DCAF8L2: variants seen among roughly 807,000 people sequenced by gnomAD.
DCAF8L2 encodes DDB1 and CUL4 associated factor 8 like 2.
For missense variants in DCAF8L2, 430 were observed against 490.7 expected (o/e 0.88, Z 1.17); for synonymous variants, 200 against 190.9 (o/e 1.05, Z -0.39).
the DCAF8L2 span, among the ~76,000 whole-genome samples, chrX:27,498,209 A>G: frequency 1.8e-5 from 2 of 112,385 alleles, no homozygotes; most frequent in East Asian, 5.6e-4. Flanking sequence ...GAATTACTTG[A>G]TCATGTAGTA....
At chrX:27,674,241 T>G (rs2147231815) in intron 2 of DCAF8L2, among the ~76,000 whole-genome samples, 1 of 111,855 alleles carries the variant, frequency 8.9e-6, no homozygotes, top group South Asian at 3.7e-4. Flanking sequence ...ATTAAGAGAT[T>G]AAAGAAAGTG....
At chrX:27,605,205 G>T (rs185641672) in intron 1 of DCAF8L2, among the ~76,000 whole-genome samples, 1,213 of 110,970 alleles carry the variant, frequency 0.011, 6 homozygotes, top group Middle Eastern at 0.019. Flanking sequence ...AATGAGCCAA[G>T]ATTTCGTTAG....
At chrX:27,613,334 C>T (rs1408786351) in intron 1 of DCAF8L2, among the ~76,000 whole-genome samples, 4 of 111,860 alleles carry the variant, frequency 3.6e-5, no homozygotes, top group Non-Finnish European at 7.5e-5. Flanking sequence ...TGCTTATCAG[C>T]TTAAGGAGAT....
At chrX:27,505,357 A>G in the DCAF8L2 span, among the ~76,000 whole-genome samples, 1 of 111,852 alleles carries the variant, frequency 8.9e-6, no homozygotes, top group Non-Finnish European at 1.9e-5. Context: ...CAGAATTCCA[A>G]CCTGCAATTC....
the DCAF8L2 span, among the ~76,000 whole-genome samples, chrX:27,492,481 C>CTTTTTT: frequency 1.0e-5 from 1 of 96,160 alleles, no homozygotes; most frequent in African/African-American, 3.9e-5. Context: ...TTCTTTCTTT[C>CTTTTTT]TTTTTTTTTT....
upstream of DCAF8L2, among the ~76,000 whole-genome samples, chrX:27,588,824 C>G (rs111899221): frequency 3.4e-3 from 374 of 109,529 alleles, 1 homozygote; most frequent in African/African-American, 0.011. Flanking sequence ...TTCATCCCTC[C>G]CCACCAACCA....
chrX:27,570,548 C>T, the DCAF8L2 span, among the ~76,000 whole-genome samples: 2 of 111,879 alleles, frequency 1.8e-5, no homozygotes, highest in African/African-American at 3.3e-5. Context: ...GGATGTTTTG[C>T]AGTGTCCTGT....
At chrX:27,579,557 TTAAAA>T in the DCAF8L2 span, among the ~76,000 whole-genome samples, 9 of 104,065 alleles carry the variant, frequency 8.6e-5, no homozygotes, top group Middle Eastern at 5.4e-3. Context: ...ACCCCAGAAC[TTAAAA>T]TAAAATAAAA....
At chrX:27,505,537 A>G in the DCAF8L2 span, among the ~76,000 whole-genome samples, 7 of 111,687 alleles carry the variant, frequency 6.3e-5, no homozygotes, top group African/African-American at 2.3e-4. Context: ...ATTTAATCAT[A>G]TTAGGCATAT....
At chrX:27,606,986 A>T (rs1007467997) in intron 1 of DCAF8L2, among the ~76,000 whole-genome samples, 4 of 111,469 alleles carry the variant, frequency 3.6e-5, no homozygotes, top group African/African-American at 1.3e-4. Flanking sequence ...CGAACTATAA[A>T]TATATTAGAA....
chrX:27,700,302 A>T (rs1337891399), intron 3 of DCAF8L2, among the ~76,000 whole-genome samples: 1 of 110,676 alleles, frequency 9.0e-6, no homozygotes, highest in Non-Finnish European at 1.9e-5. Flanking sequence ...AAACTAACTG[A>T]AAAAGGAGGA....
At chrX:27,582,097 G>A in the DCAF8L2 span, among the ~76,000 whole-genome samples, 1 of 111,189 alleles carries the variant, frequency 9.0e-6, no homozygotes, top group Admixed American at 9.6e-5. Flanking sequence ...AGGTCACTAT[G>A]TTTCAGGCAA....
the DCAF8L2 span, among the ~76,000 whole-genome samples, chrX:27,579,880 A>G: frequency 9.2e-6 from 1 of 109,285 alleles, no homozygotes; most frequent in Non-Finnish European, 1.9e-5. Flanking sequence ...TTTTCTTTTA[A>G]TATAGTTATT....
the DCAF8L2 span, among the ~76,000 whole-genome samples, chrX:27,490,861 T>G: frequency 9.0e-6 from 1 of 111,584 alleles, no homozygotes; most frequent in African/African-American, 3.3e-5. Context: ...CACCATTTGG[T>G]CTCCAATGTC....
chrX:27,515,672 C>G, the DCAF8L2 span, among the ~76,000 whole-genome samples: 1 of 112,252 alleles, frequency 8.9e-6, no homozygotes, highest in Admixed American at 9.4e-5. Context: ...TCATAAACAG[C>G]AAAATATATC....
At chrX:27,617,813 T>A (rs1927550884) in intron 1 of DCAF8L2, among the ~76,000 whole-genome samples, 1 of 111,724 alleles carries the variant, frequency 9.0e-6, no homozygotes, top group Admixed American at 9.6e-5. Context: ...ATAAAGTGAT[T>A]GCCACCCTTT....
the DCAF8L2 span, among the ~76,000 whole-genome samples, chrX:27,528,692 A>G: frequency 9.1e-6 from 1 of 110,486 alleles, no homozygotes; most frequent in East Asian, 2.8e-4. Flanking sequence ...TGGATCTTTT[A>G]ACAACACTCT....
At chrX:27,713,066 G>A (rs2147285607) in intron 3 of DCAF8L2, among the ~76,000 whole-genome samples, 1 of 111,796 alleles carries the variant, frequency 8.9e-6, no homozygotes, top group African/African-American at 3.2e-5. Context: ...GTCTGAGTTG[G>A]AAAGAGAATT....
intron 4 of DCAF8L2, among the ~76,000 whole-genome samples, chrX:27,720,344 A>G (rs1476121378): frequency 1.8e-5 from 2 of 110,795 alleles, no homozygotes; most frequent in Non-Finnish European, 3.8e-5. Flanking sequence ...TTTCAAAGCT[A>G]TTTCAGCTAT....
Sources: allele counts gnomAD v4.1 joint callset (sites outside exome capture counted in the v4.1 genomes callset), GRCh38; gene constraint gnomAD v4.1.1; transcripts MANE v1.5; gene names NCBI Gene and HGNC (gene_info 2026-07-23, HGNC 2026-07-21).